The following TBC1D12 variants were observed in gnomAD, a reference collection of about 807,000 sequenced individuals.
TBC1D12 encodes TBC1 domain family, member 12.
TBC1D12 carries 56 observed loss-of-function variants against 86.7 expected under a neutral mutation model. That is an observed-to-expected ratio of 0.65 (90% CI 0.52 to 0.81). The LOEUF (loss-of-function observed/expected upper bound fraction) is 0.81. Ranked by LOEUF, TBC1D12 falls within the 30% of genes least tolerant of loss-of-function variation. TBC1D12 has a pLI of 0.00. For synonymous variants in TBC1D12, 421 were observed against 411.7 expected, an observed-to-expected ratio of 1.02 and a Z score of -0.27; for missense variants, 1,023 against 1,038.8, an observed-to-expected ratio of 0.98 and a Z score of 0.21.
rs555476498 is a variant in TBC1D12 at position 94,467,289 on chromosome 10, G to A, written c.1096-7379G>A. On this transcript the variant is annotated intron_variant, in intron 2 of 12. Coordinates refer to ENST00000225235, the MANE Select transcript of TBC1D12 (RefSeq NM_015188.2). ...CTGTTGTTGCCCAGGCTGGAGTGCG[G>A]TGGCGCTATCTCAGCTCACTGCAAC... 1.4e-4 allele frequency among the ~76,000 whole-genome samples: 21 copies of A among 152,168 alleles called. No homozygotes were observed. In the East Asian group the frequency reaches 4.1e-3, roughly 29 times the overall value.
At chr10:94,496,515 C>A (rs76231096) in intron 4 of TBC1D12, among the ~76,000 whole-genome samples, 6 of 152,134 alleles carry the variant, frequency 3.9e-5, no homozygotes, top group East Asian at 1.9e-4. Context: ...AATTTATAAA[C>A]CCTTGTAGGA....
At position 94,534,193 on chromosome 10, in the gene TBC1D12, A is replaced by C. The variant is rs1296950716; in HGVS notation, c.*1097A>C. On this transcript the variant is annotated 3_prime_UTR_variant, in exon 13 of 13. Transcript: ENST00000225235. ...AGTTGCCTGAAGAAGCTGGGTAAGG[A>C]GATTAGTCTTGTTATTGATTCTTTT... 1 of 152,134 alleles carries C rather than the reference A, an allele frequency of 6.6e-6. No homozygotes were observed. The highest frequency in any genetic ancestry group is 2.4e-5 in the African/African-American group (1 of 41,440). 9.4% of individuals were successfully genotyped at this position (152,134 alleles called of 1,614,324 possible).
intron 4 of TBC1D12, among the ~76,000 whole-genome samples, chr10:94,493,829 C>G (rs1037126188): frequency 6.6e-6 from 1 of 151,946 alleles, no homozygotes; most frequent in African/African-American, 2.4e-5. Flanking sequence ...AAATGACATA[C>G]CAGGATCATA....
intron 5 of TBC1D12, among the ~76,000 whole-genome samples, chr10:94,499,994 G>A (rs969069386): frequency 1.3e-4 from 20 of 152,040 alleles, no homozygotes; most frequent in African/African-American, 4.1e-4. Context: ...TTTATAAAAC[G>A]CAGTTCCCTT....
chr10:94,515,183 A>G (rs1476589499), intron 9 of TBC1D12, among the ~76,000 whole-genome samples: 1 of 151,716 alleles, frequency 6.6e-6, no homozygotes, highest in African/African-American at 2.4e-5. Context: ...CTGGGATTAC[A>G]GGCGTGAGCC....
chr10:94,478,061 G>A (rs2056019427), intron 3 of TBC1D12, among the ~76,000 whole-genome samples: 1 of 152,016 alleles, frequency 6.6e-6, no homozygotes. Flanking sequence ...CAGGAGGATC[G>A]CTTGAGGCCA....
intron 1 of TBC1D12, among the ~76,000 whole-genome samples, chr10:94,433,775 C>CT (rs2055252948): frequency 6.6e-6 from 1 of 152,156 alleles, no homozygotes; most frequent in African/African-American, 2.4e-5. Flanking sequence ...CTATGCTTCA[C>CT]TAAGTTAAAA....
intron 2 of TBC1D12, among the ~76,000 whole-genome samples, chr10:94,471,278 C>CAAA (rs556285067): frequency 1.5e-5 from 1 of 66,028 alleles, no homozygotes; most frequent in African/African-American, 5.5e-5. Flanking sequence ...TCTGTATCTC[C>CAAA]AAAAAAAAAA....
At position 94,533,296 on chromosome 10, in the gene TBC1D12, G is replaced by A. The variant is rs529240240; in HGVS notation, c.*200G>A. 2.8e-6 allele frequency: 1 copy of A among 358,228 alleles called. No individual in the cohort carries two copies. Among genetic ancestry groups the A allele is most frequent in the Admixed American group, 4.7e-5 (1 of 21,340 alleles). 22.2% of individuals were successfully genotyped at this position (358,228 alleles called of 1,614,324 possible). A position where few individuals can be genotyped will look rare whatever the true frequency, so the allele number is the denominator to read the frequency against. On this transcript the variant is annotated 3_prime_UTR_variant, in exon 13 of 13. Coordinates refer to ENST00000225235, the MANE Select transcript of TBC1D12 (RefSeq NM_015188.2). ...GACAGTATTAATAAACTATTATTTTGTAGGTAGAGTCATTTTTCAAAGGAA... is the reference window on the plus strand; with the variant it reads ...GACAGTATTAATAAACTATTATTTTATAGGTAGAGTCATTTTTCAAAGGAA...
intron 4 of TBC1D12, among the ~76,000 whole-genome samples, chr10:94,495,735 T>C (rs1326014479): frequency 6.7e-6 from 1 of 149,922 alleles, no homozygotes; most frequent in East Asian, 2.0e-4. Context: ...TTTTTTTTTG[T>C]TGTTGGTAAA....
intron 1 of TBC1D12, among the ~76,000 whole-genome samples, chr10:94,425,045 A>G (rs1395649472): frequency 3.9e-5 from 6 of 152,210 alleles, no homozygotes; most frequent in Non-Finnish European, 7.3e-5. Context: ...AGTATGAGAA[A>G]GTTAAACTTA....
At chr10:94,435,837 T>G (rs1164743113) in intron 1 of TBC1D12, among the ~76,000 whole-genome samples, 1 of 152,228 alleles carries the variant, frequency 6.6e-6, no homozygotes, top group Non-Finnish European at 1.5e-5. Flanking sequence ...GTTTGATACA[T>G]TGGGAACTGA....
At chr10:94,427,089 C>CTT (rs2055157275) in intron 1 of TBC1D12, among the ~76,000 whole-genome samples, 1 of 152,168 alleles carries the variant, frequency 6.6e-6, no homozygotes, top group African/African-American at 2.4e-5. Context: ...GTATTTTACT[C>CTT]TTACTGTAAA....
intron 1 of TBC1D12, among the ~76,000 whole-genome samples, chr10:94,412,069 T>C (rs1040798528): frequency 1.3e-5 from 2 of 152,222 alleles, no homozygotes; most frequent in Admixed American, 1.3e-4. Flanking sequence ...TGCTTAAAAA[T>C]GCTGGTTCTA....
At position 94,441,977 on chromosome 10, in the gene TBC1D12, T is replaced by A. The variant is rs777475821; in HGVS notation, c.1053T>A (p.Pro351=). 1 of 1,613,234 alleles carries A rather than the reference T, an allele frequency of 6.2e-7. No individual in the cohort carries two copies. Among genetic ancestry groups the A allele is most frequent in the Non-Finnish European group, 8.5e-7 (1 of 1,179,618 alleles). The stretch of plus-strand genomic sequence containing the variant: ...GTTGGAAATTATTTGGTAAAGTCCC[T>A]CCTAGAGAGAATCTTCAGAAAACAT... ...APGWKLFGKV[P]PRENLQKTSK... The change falls in exon 2 of 13, where the codon CCT becomes CCA. Residue 351 remains proline, a synonymous_variant. Coordinates refer to ENST00000225235, the MANE Select transcript of TBC1D12 (RefSeq NM_015188.2).
At chr10:94,502,408 G>A (rs2056409610) in intron 6 of TBC1D12, among the ~76,000 whole-genome samples, 1 of 150,584 alleles carries the variant, frequency 6.6e-6, no homozygotes, top group Non-Finnish European at 1.5e-5. Flanking sequence ...ATAGAGGAAA[G>A]TAAAATAGTT....
At chr10:94,476,914 A>G (rs1489493171) in intron 3 of TBC1D12, among the ~76,000 whole-genome samples, 1 of 152,054 alleles carries the variant, frequency 6.6e-6, no homozygotes, top group Non-Finnish European at 1.5e-5. Context: ...TTTTCTATCA[A>G]GTCTTTGGTG....
chr10:94,461,916 C>T (rs2055735508), intron 2 of TBC1D12, among the ~76,000 whole-genome samples: 1 of 152,142 alleles, frequency 6.6e-6, no homozygotes, highest in Admixed American at 6.6e-5. Flanking sequence ...TCTTGAACTC[C>T]TGGCCTCAAA....
intron 2 of TBC1D12, among the ~76,000 whole-genome samples, chr10:94,458,757 G>A (rs555336287): frequency 1.5e-3 from 229 of 152,184 alleles, no homozygotes; most frequent in Non-Finnish European, 2.8e-3. Context: ...AAGGTGGTGC[G>A]TCTGGAGTTG....
Sources: allele counts gnomAD v4.1 joint callset (sites outside exome capture counted in the v4.1 genomes callset), GRCh38; gene constraint gnomAD v4.1.1; transcripts MANE v1.5; gene names NCBI Gene and HGNC (gene_info 2026-07-23, HGNC 2026-07-21).